The following RANGAP1 variants were observed in gnomAD, a reference collection of about 807,000 sequenced individuals.
RANGAP1 encodes the protein Ran GTPase activating protein 1, also known as ran GTPase-activating protein 1.
A neutral mutation model predicts 63.5 loss-of-function variants in RANGAP1; 38 were observed. That is an observed-to-expected ratio of 0.60 (90% CI 0.46 to 0.78). The LOEUF is 0.78. RANGAP1 is among the 30% of genes least tolerant of loss of function. RANGAP1 has a pLI of 0.00. For synonymous variants in RANGAP1, 329 were observed against 310.5 expected (o/e 1.06, Z -0.63); for missense variants, 630 against 740.3 (o/e 0.85, Z 1.73).
At position 41,261,431 on chromosome 22, in the gene RANGAP1, AC is replaced by A; in HGVS notation, c.615+14del. The A allele has an allele frequency of 6.2e-7, 1 of 1,614,176 alleles. No individual in the cohort carries two copies. Among genetic ancestry groups the A allele is most frequent in the Non-Finnish European group, 8.5e-7 (1 of 1,180,014 alleles). On this transcript the variant is annotated intron_variant, in intron 6 of 15. Coordinates refer to ENST00000356244, the MANE Select transcript of RANGAP1 (RefSeq NM_002883.4). ...CCTCAAGGCTGCAGGGGCAGGATGG[AC>A]AGAAACCACTCACCCTAAAAGCTTC...
At chr22:41,300,657 G>C in the RANGAP1 span, among the ~76,000 whole-genome samples, 1 of 150,384 alleles carries the variant, frequency 6.6e-6, no homozygotes, top group Non-Finnish European at 1.5e-5. Flanking sequence ...TTTTTGTAGA[G>C]ATGGGGTTTC....
chr22:41,282,027 G>A (rs991918207), intron 1 of RANGAP1: 1 of 152,248 alleles, frequency 6.6e-6, no homozygotes, highest in Non-Finnish European at 1.5e-5. Flanking sequence ...GGGAGGCTGA[G>A]GTGGGAGGAT....
chr22:41,257,086 G>A lies in RANGAP1; in HGVS notation c.775-262C>T, dbSNP rs993697598. ...TGCTGAGCATCCGGGTCTTCCACAC[G>A]TAAGCTGATCCCTCTGCCTGAAACA... On this transcript the variant is annotated intron_variant, in intron 7 of 15. Coordinates refer to ENST00000356244, the MANE Select transcript of RANGAP1 (RefSeq NM_002883.4). The surrounding 1 kb of genome is among the most constrained non-coding windows in gnomAD (Gnocchi z 4.0). Among the ~76,000 whole-genome samples, 2 of 151,994 alleles carry A rather than the reference G, an allele frequency of 1.3e-5. No individual in the cohort carries two copies. The highest frequency in any genetic ancestry group is 2.1e-4 in the South Asian group (1 of 4,830).
rs533689227 is a variant in RANGAP1, at chr22:41,277,496, G to C, written c.113-2769C>G. On this transcript the variant is annotated intron_variant, in intron 2 of 15. Coordinates refer to ENST00000356244, the MANE Select transcript of RANGAP1 (RefSeq NM_002883.4). ...TTACATGAAACAAAAAGTTGAGTCTGGCTGGTACAGGATGGAGTAGGGTGA... is the reference window on the plus strand; with the variant it reads ...TTACATGAAACAAAAAGTTGAGTCTCGCTGGTACAGGATGGAGTAGGGTGA... The C allele has an allele frequency of 1.4e-4, 173 of 1,197,566 alleles. No homozygotes were observed. In the Middle Eastern group the frequency reaches 2.2e-3, roughly 15 times the overall value. 74.2% of individuals were successfully genotyped at this position (1,197,566 alleles called of 1,614,324 possible).
chr22:41,281,002 T>G lies in RANGAP1; in HGVS notation c.43A>C (p.Lys15Gln), dbSNP rs1427186061. 4 of 1,612,646 alleles carry G rather than the reference T, an allele frequency of 2.5e-6. No individual in the cohort carries two copies. Among genetic ancestry groups the G allele is most frequent in the Non-Finnish European group, 3.4e-6 (4 of 1,179,484 alleles). Residue 15 changes from lysine (K) to glutamine (Q), a missense_variant, in exon 2 of 16, where the codon AAG becomes CAG. Lys to Gln is a moderately conservative substitution (Grantham distance 53). This residue lies in a region of RANGAP1 where 65 missense variants were observed against 60.5 expected (regional missense o/e 1.07). Coordinates refer to ENST00000356244, the MANE Select transcript of RANGAP1 (RefSeq NM_002883.4). ...AGCTGTCCCCCGGCCACCTGAGTCT[T>G]GGCAAGTGTCTCTGCCAGCTTGGCA... Reference protein sequence around the residue: ...DIAKLAETLAKTQVAGGQLSF... With the variant: ...DIAKLAETLAQTQVAGGQLSF...
intron 2 of RANGAP1, among the ~76,000 whole-genome samples, chr22:41,276,679 GA>G (rs917804891): frequency 2.8e-4 from 40 of 140,454 alleles, no homozygotes; most frequent in Admixed American, 3.6e-4. Flanking sequence ...CTATGTTCAG[GA>G]AAAAAAAAAA....
chr22:41,247,043 C>G (rs1426561555), intron 15 of RANGAP1, among the ~76,000 whole-genome samples: 2 of 152,098 alleles, frequency 1.3e-5, no homozygotes, highest in Non-Finnish European at 2.9e-5. Flanking sequence ...TTTTTGGTTG[C>G]TTTTTTTCTT....
intron 10 of RANGAP1, among the ~76,000 whole-genome samples, chr22:41,254,837 T>C (rs1014192673): frequency 6.6e-6 from 1 of 151,914 alleles, no homozygotes; most frequent in African/African-American, 2.4e-5. Flanking sequence ...CCGGGTGTGG[T>C]GGCGGGCGCC....
At chr22:41,249,076 G>A (rs1167348198) in intron 15 of RANGAP1, among the ~76,000 whole-genome samples, 4 of 152,216 alleles carry the variant, frequency 2.6e-5, no homozygotes, top group South Asian at 4.1e-4. Flanking sequence ...CAATGGGGGC[G>A]CCGCATGTCT....
At chr22:41,293,095 C>T in the RANGAP1 span, among the ~76,000 whole-genome samples, 1 of 151,672 alleles carries the variant, frequency 6.6e-6, no homozygotes, top group Non-Finnish European at 1.5e-5. Context: ...ATTAGCCAGG[C>T]GTGTTGGCGG....
chr22:41,261,220 A>G (rs910850056), intron 6 of RANGAP1, among the ~76,000 whole-genome samples: 6 of 152,212 alleles, frequency 3.9e-5, no homozygotes, highest in Non-Finnish European at 8.8e-5. Context: ...CTGGCTCACC[A>G]GTGGGAGCCA....
intron 15 of RANGAP1, among the ~76,000 whole-genome samples, chr22:41,247,929 G>C (rs991670876): frequency 2.6e-5 from 4 of 152,160 alleles, no homozygotes; most frequent in Non-Finnish European, 5.9e-5. Context: ...TGGAGGTTGG[G>C]CAACAAGCTG....
chr22:41,267,950 T>C (rs975483120), intron 4 of RANGAP1, 147 bp downstream of exon 4: 7 of 797,108 alleles, frequency 8.8e-6, no homozygotes, highest in African/African-American at 5.2e-5. Flanking sequence ...ACAGGGCACG[T>C]GCTGGACTTG....
rs970353098 is a variant in RANGAP1, at chr22:41,265,695, C to A, written c.301-852G>T. Among the ~76,000 whole-genome samples, 6 of 152,292 alleles carry A rather than the reference C, an allele frequency of 3.9e-5. No individual in the cohort carries two copies. In the East Asian group the frequency reaches 9.7e-4, roughly 25 times the overall value. On this transcript the variant is annotated intron_variant, in intron 4 of 15. Transcript: ENST00000356244. ...GGCTGGGGAGAGCTACATTCCCTCACCCCACCAGGAGAAATGGTCAGAGAG... is the reference window on the plus strand; with the variant it reads ...GGCTGGGGAGAGCTACATTCCCTCAACCCACCAGGAGAAATGGTCAGAGAG...
chr22:41,254,496 T>G lies in RANGAP1; in HGVS notation c.1074-2A>C. 6 of 1,583,488 alleles carry G rather than the reference T, an allele frequency of 3.8e-6. No individual in the cohort carries two copies. The highest frequency in any genetic ancestry group is 4.3e-6 in the Non-Finnish European group (5 of 1,169,418). ...TCCTCCTCCTCGTCCTCGTCATCAC[T>G]GCAGAAAGAGCTGGCTGAAGCAGAT... On this transcript the variant is annotated splice_acceptor_variant, in intron 10 of 15. Coordinates refer to ENST00000356244, the MANE Select transcript of RANGAP1 (RefSeq NM_002883.4). LOFTEE classifies it high-confidence loss of function.
chr22:41,264,581 T>G, intron 5 of RANGAP1, 83 bp downstream of exon 5: 1 of 1,445,612 alleles, frequency 6.9e-7, no homozygotes, highest in Non-Finnish European at 9.3e-7. Flanking sequence ...TCCCAGATGG[T>G]GGTGGCCAAG....
At chr22:41,282,248 G>A (rs1471245886) in intron 1 of RANGAP1, 1 of 152,232 alleles carries the variant, frequency 6.6e-6, no homozygotes, top group Admixed American at 6.5e-5. Context: ...GCTGCAGTAA[G>A]CTATGACTGC....
At chr22:41,254,908 C>T (rs1043775297) in intron 10 of RANGAP1, among the ~76,000 whole-genome samples, 2 of 151,348 alleles carry the variant, frequency 1.3e-5, no homozygotes, top group African/African-American at 4.9e-5. Flanking sequence ...GGAGGCGGAG[C>T]TGGCAGTGAG....
At chr22:41,268,386 G>C (rs2034605953) in intron 3 of RANGAP1, among the ~76,000 whole-genome samples, 1 of 152,090 alleles carries the variant, frequency 6.6e-6, no homozygotes, top group Non-Finnish European at 1.5e-5. Flanking sequence ...CTCCGGAGTA[G>C]CTGGGATTAC....
Sources: gnomAD v4.1 joint callset for allele counts (sites outside exome capture counted in the v4.1 genomes callset) on GRCh38, gnomAD v4.1.1 for gene constraint, gnomAD v4.1.1 regional missense constraint, Gnocchi (gnomAD v3.1) non-coding constraint, MANE v1.5 for transcripts, NCBI Gene and HGNC (gene_info 2026-07-23, HGNC 2026-07-21) for gene names.